KLRD1: variants seen among roughly 807,000 people sequenced by gnomAD.
KLRD1 encodes natural killer cells antigen CD94.
Under a neutral mutation model 22.6 loss-of-function variants are expected in KLRD1, and 21 were observed. The ratio of observed to expected loss-of-function variants is 0.93; its 90% CI spans 0.66 to 1.34. The LOEUF (loss-of-function observed/expected upper bound fraction) is 1.34. Ranked by LOEUF, KLRD1 falls within the 40% of genes most tolerant of loss-of-function variation. KLRD1 has a pLI of 0.00. For synonymous variants in KLRD1, 59 were observed against 71.1 expected (o/e 0.83, Z 0.85); for missense variants, 183 against 208.6 (o/e 0.88, Z 0.76).
intron 1 of KLRD1, among the ~76,000 whole-genome samples, chr12:10,259,937 G>C (rs529162924): frequency 6.6e-6 from 1 of 152,270 alleles, no homozygotes; most frequent in Non-Finnish European, 1.5e-5. Context: ...CTGCACTCTA[G>C]CCTGGGCGAC....
At chr12:10,261,527 C>T (rs904146260) in intron 1 of KLRD1, among the ~76,000 whole-genome samples, 1 of 152,138 alleles carries the variant, frequency 6.6e-6, no homozygotes, top group Admixed American at 6.5e-5. Context: ...CTTTTTCTCA[C>T]TGTTCCTCTT....
chr12:10,274,012 G>A (rs1004828064), intron 1 of KLRD1, among the ~76,000 whole-genome samples: 2 of 152,290 alleles, frequency 1.3e-5, no homozygotes, highest in Admixed American at 6.5e-5. Context: ...GCCAGGCATG[G>A]TGGCTCATGC....
At chr12:10,293,127 A>T (rs1459861998) in intron 1 of KLRD1, among the ~76,000 whole-genome samples, 1 of 21,074 alleles carries the variant, frequency 4.7e-5, no homozygotes, top group African/African-American at 1.5e-4. Context: ...GGCTGGTTTG[A>T]TCTTTGATAC....
chr12:10,244,345 T>C (rs554055399), intron 1 of KLRD1, among the ~76,000 whole-genome samples: 11 of 152,228 alleles, frequency 7.2e-5, no homozygotes, highest in Middle Eastern at 3.4e-3. Context: ...CCCACCAGGC[T>C]CAAGGACTCA....
At chr12:10,243,992 CTA>C (rs1208441365) in intron 1 of KLRD1, among the ~76,000 whole-genome samples, 3 of 152,118 alleles carry the variant, frequency 2.0e-5, no homozygotes, top group African/African-American at 7.2e-5. Context: ...GCTTGCCTGT[CTA>C]TGTGGTTAGA....
intron 1 of KLRD1, among the ~76,000 whole-genome samples, chr12:10,287,292 T>C (rs1404291153): frequency 6.6e-6 from 1 of 152,210 alleles, no homozygotes; most frequent in East Asian, 1.9e-4. Flanking sequence ...TGCAAGGGTA[T>C]GTATGAGATT....
intron 1 of KLRD1, among the ~76,000 whole-genome samples, chr12:10,268,468 G>GGATATTA (rs1322337415): frequency 6.6e-6 from 1 of 152,086 alleles, no homozygotes; most frequent in East Asian, 1.9e-4. Context: ...CCTGGAAATT[G>GGATATTA]GATATTAGAT....
chr12:10,314,621 G>A, intron 5 of KLRD1, 52 bp from the exon 6 acceptor site: 1 of 1,469,796 alleles, frequency 6.8e-7, no homozygotes, highest in East Asian at 2.6e-5. Flanking sequence ...AAAATGCCCT[G>A]AACATTCTTA....
chr12:10,295,484 C>G (rs1949813103), intron 1 of KLRD1, among the ~76,000 whole-genome samples: 1 of 141,206 alleles, frequency 7.1e-6, no homozygotes, highest in Admixed American at 7.7e-5. Flanking sequence ...TCAATACTTT[C>G]TTAAGCCAGG....
chr12:10,305,998 T>TA (rs34335610), upstream of KLRD1, among the ~76,000 whole-genome samples: 7,925 of 143,658 alleles, frequency 0.055, 540 homozygotes, highest in African/African-American at 0.16. Context: ...CCGTCTCTAC[T>TA]AAAAAAAAAA....
intron 1 of KLRD1, among the ~76,000 whole-genome samples, chr12:10,287,019 C>G (rs1321570297): frequency 6.6e-6 from 1 of 151,956 alleles, no homozygotes; most frequent in Non-Finnish European, 1.5e-5. Context: ...GCCTGTAGTC[C>G]CAGCTACTCA....
chr12:10,269,271 C>T (rs1347769606), intron 1 of KLRD1, among the ~76,000 whole-genome samples: 4 of 152,170 alleles, frequency 2.6e-5, no homozygotes, highest in African/African-American at 7.2e-5. Flanking sequence ...CTGCCTCAGC[C>T]TCCCGAGTAG....
At chr12:10,270,945 G>A (rs866134502) in intron 1 of KLRD1, among the ~76,000 whole-genome samples, 4 of 151,854 alleles carry the variant, frequency 2.6e-5, no homozygotes, top group East Asian at 1.9e-4. Context: ...CACCATGCCC[G>A]GCTAATTTTT....
At position 10,290,971 on chromosome 12, in the gene KLRD1, C is replaced by T. The variant is rs1373940967; in HGVS notation, c.-100-17007C>T. On this transcript the variant is annotated intron_variant, in intron 1 of 5. Coordinates refer to the KLRD1 transcript ENST00000544747. ...TCTAGTTATGTAAAATATAGGCATA[C>T]CTCAGAGATACTGTGCACTCTGATC... Among the ~76,000 whole-genome samples the T allele has an allele frequency of 2.0e-5, 3 of 152,146 alleles. 1 individual carries two copies. The highest frequency in any genetic ancestry group is 4.1e-4 in the South Asian group (2 of 4,828).
rs117370859 is a variant in KLRD1, at chr12:10,253,708, G to C, written c.-101+27475G>C. Among the ~76,000 whole-genome samples, 50 of 152,230 alleles carry C rather than the reference G, an allele frequency of 3.3e-4. No individual in the cohort carries two copies. The East Asian group carries it at 9.3e-3, about 28-fold the overall frequency. On this transcript the variant is annotated intron_variant, in intron 1 of 5. Coordinates refer to the KLRD1 transcript ENST00000544747. ...CTTCATTAGTTTGCTAAGGATAGTA[G>C]CCCCCAGCTCCATCCATGTTCCTGT...
chr12:10,311,314 G>C (rs1950063507), intron 3 of KLRD1, 150 bp from the exon 4 acceptor site: 2 of 533,130 alleles, frequency 3.8e-6, no homozygotes, highest in East Asian at 5.9e-5. Flanking sequence ...TGTCTAATTA[G>C]TTCACATTAG....
chr12:10,284,929 C>T (rs1325075686), intron 1 of KLRD1, among the ~76,000 whole-genome samples: 1 of 151,894 alleles, frequency 6.6e-6, no homozygotes, highest in Non-Finnish European at 1.5e-5. Context: ...TGCGGTGAGC[C>T]CAGATCGTGC....
At chr12:10,289,431 C>A (rs2137665019) in intron 1 of KLRD1, among the ~76,000 whole-genome samples, 1 of 152,316 alleles carries the variant, frequency 6.6e-6, no homozygotes. Flanking sequence ...AAACTTCTTT[C>A]TATGCTAAAC....
chr12:10,307,799 A>G, upstream of KLRD1: 1 of 362,854 alleles, frequency 2.8e-6, no homozygotes, highest in Non-Finnish European at 5.0e-6. Context: ...TAATATTGCA[A>G]AAGTACTGTG....
Sources: gnomAD v4.1 joint callset for allele counts (sites outside exome capture counted in the v4.1 genomes callset) on GRCh38, gnomAD v4.1.1 for gene constraint, MANE v1.5 for transcripts, NCBI Gene and HGNC (gene_info 2026-07-23, HGNC 2026-07-21) for gene names.